LINGO1: variants seen among roughly 807,000 people sequenced by gnomAD.
LINGO1 encodes leucine-rich repeat and immunoglobulin-like domain-containing nogo receptor-interacting protein 1.
A neutral mutation model predicts 37.3 loss-of-function variants in LINGO1; 11 were observed. That is an observed-to-expected ratio of 0.29 (90% CI 0.19 to 0.49). LINGO1 has a LOEUF of 0.49. Ranked by LOEUF, LINGO1 falls within the 20% of genes least tolerant of loss-of-function variation. The probability of loss-of-function intolerance (pLI) is 0.99; values close to 1 mark genes in which losing one functional copy is unlikely to be tolerated. For synonymous variants in LINGO1, 387 were observed against 403.0 expected (o/e 0.96, Z 0.48); for missense variants, 585 against 878.2 (o/e 0.67, Z 4.22).
At chr15:77,684,253 T>G (rs931593740) in intron 2 of LINGO1, among the ~76,000 whole-genome samples, 1 of 152,214 alleles carries the variant, frequency 6.6e-6, no homozygotes, top group Non-Finnish European at 1.5e-5. Context: ...CAACGTGCCT[T>G]GCATTGTATT....
intron 1 of LINGO1, among the ~76,000 whole-genome samples, chr15:77,785,322 G>A (rs1226080224): frequency 6.6e-6 from 1 of 152,182 alleles, no homozygotes; most frequent in African/African-American, 2.4e-5. Context: ...CCCGCAGGCT[G>A]ATCTCCACAG....
At chr15:77,633,528 C>G (rs1027553511), upstream of LINGO1, among the ~76,000 whole-genome samples, 1 of 152,184 alleles carries the variant, frequency 6.6e-6, no homozygotes, top group African/African-American at 2.4e-5. Flanking sequence ...ATGGGAAGCT[C>G]CAGGGGACGG....
At chr15:77,724,121 T>G (rs961946402) in intron 2 of LINGO1, among the ~76,000 whole-genome samples, 5 of 151,078 alleles carry the variant, frequency 3.3e-5, no homozygotes, top group East Asian at 2.0e-4. Context: ...GAGCGGGGAG[T>G]GGGGAGGGGG....
intron 1 of LINGO1, among the ~76,000 whole-genome samples, chr15:77,694,805 G>A (rs537330705): frequency 9.8e-5 from 15 of 152,318 alleles, no homozygotes; most frequent in Admixed American, 3.3e-4. Context: ...TACAGCTGCT[G>A]TGGGCCAGGG....
intron 1 of LINGO1, among the ~76,000 whole-genome samples, chr15:77,804,168 T>C (rs984467781): frequency 6.6e-6 from 1 of 152,058 alleles, no homozygotes; most frequent in African/African-American, 2.4e-5. Context: ...ATGATTCACA[T>C]GCAGGAGGGG....
At chr15:77,728,003 C>T (rs555247000) in intron 2 of LINGO1, among the ~76,000 whole-genome samples, 3 of 152,332 alleles carry the variant, frequency 2.0e-5, no homozygotes, top group Admixed American at 6.5e-5. Flanking sequence ...GGATAAATGG[C>T]TTTGCAGCAC....
chr15:77,798,906 G>A (rs1341579927), intron 1 of LINGO1, among the ~76,000 whole-genome samples: 1 of 152,058 alleles, frequency 6.6e-6, no homozygotes, highest in Admixed American at 6.6e-5. Flanking sequence ...GCTGGCACCC[G>A]GTACACACTC....
At chr15:77,716,525 A>C (rs1011108327) in intron 2 of LINGO1, among the ~76,000 whole-genome samples, 36 of 149,766 alleles carry the variant, frequency 2.4e-4, no homozygotes, top group African/African-American at 7.5e-4. Flanking sequence ...GGAGTCCAAG[A>C]CACGTGCAGG....
At chr15:77,640,024 A>C (rs2074470548) in intron 3 of LINGO1, among the ~76,000 whole-genome samples, 1 of 152,166 alleles carries the variant, frequency 6.6e-6, no homozygotes, top group African/African-American at 2.4e-5. Flanking sequence ...CTCATCTTAC[A>C]GTGGGGAAAC....
intron 1 of LINGO1, among the ~76,000 whole-genome samples, chr15:77,754,782 A>C (rs1484899793): frequency 6.6e-6 from 1 of 152,218 alleles, no homozygotes; most frequent in African/African-American, 2.4e-5. Flanking sequence ...CTGGCCTATC[A>C]GAGGGCCACG....
chr15:77,758,121 G>T (rs1014805603), intron 1 of LINGO1, among the ~76,000 whole-genome samples: 5 of 152,170 alleles, frequency 3.3e-5, no homozygotes, highest in African/African-American at 1.2e-4. Flanking sequence ...TGGTGGGAAG[G>T]TGAAGGATGG....
At chr15:77,688,418 C>CCA (rs1280971790) in intron 2 of LINGO1, among the ~76,000 whole-genome samples, 2 of 152,208 alleles carry the variant, frequency 1.3e-5, no homozygotes, top group Non-Finnish European at 2.9e-5. Context: ...TTGGGTTTCC[C>CCA]AGCCTCTTTC....
chr15:77,763,780 GAGGCAGCACCC>G, intron 1 of LINGO1, among the ~76,000 whole-genome samples: 1 of 152,300 alleles, frequency 6.6e-6, no homozygotes, highest in East Asian at 1.9e-4. Context: ...GAGCTGTTAA[GAGGCAGCACCC>G]AGGGCTCTGT....
intron 1 of LINGO1, among the ~76,000 whole-genome samples, chr15:77,784,164 C>T (rs943011482): frequency 6.6e-6 from 1 of 152,230 alleles, no homozygotes; most frequent in African/African-American, 2.4e-5. Context: ...AGGCCGGGGT[C>T]TCCGGGAGGT....
chr15:77,646,828 A>ATAACGTC (rs2074641875), intron 3 of LINGO1, among the ~76,000 whole-genome samples: 2 of 143,550 alleles, frequency 1.4e-5, no homozygotes, highest in African/African-American at 6.0e-5. Context: ...GGAAACATTA[A>ATAACGTC]TAATGTCTAA....
intron 2 of LINGO1, among the ~76,000 whole-genome samples, chr15:77,728,742 A>C (rs559535936): frequency 2.0e-3 from 303 of 152,316 alleles, no homozygotes; most frequent in African/African-American, 7.1e-3. Context: ...CGAGGTTCAA[A>C]TCCCCACTCT....
chr15:77,627,238 C>T (rs9920101), intron 1 of LINGO1, among the ~76,000 whole-genome samples: 27,514 of 151,966 alleles, frequency 0.18, 5,355 homozygotes, highest in African/African-American at 0.49. Flanking sequence ...ATAATTATTC[C>T]GCCAGCCCCG....
chr15:77,667,191 A>AGCAGAGCTGTGCAGAT (rs1481738142), intron 3 of LINGO1: 1 of 152,590 alleles, frequency 6.6e-6, no homozygotes, highest in Non-Finnish European at 1.5e-5. Context: ...GGTCAGCACC[A>AGCAGAGCTGTGCAGAT]GCAGAGCTGT....
chr15:77,801,774 C>T (rs931581477), intron 1 of LINGO1, among the ~76,000 whole-genome samples: 2 of 152,122 alleles, frequency 1.3e-5, no homozygotes, highest in African/African-American at 4.8e-5. Context: ...TTGAGAAGCT[C>T]AGCTGGAGAC....
Sources: allele counts gnomAD v4.1 joint callset (sites outside exome capture counted in the v4.1 genomes callset), GRCh38; gene constraint gnomAD v4.1.1; transcripts MANE v1.5; gene names NCBI Gene and HGNC (gene_info 2026-07-23, HGNC 2026-07-21).